Variants in KDM5A observed in about 807,000 individuals in gnomAD.
KDM5A encodes lysine demethylase 5A.
In KDM5A, 42 loss-of-function variants were observed where a neutral mutation model predicts 193.5. The ratio of observed to expected loss-of-function variants is 0.22; its 90% CI spans 0.17 to 0.28. The LOEUF is 0.28. Ranked by LOEUF, KDM5A falls within the 10% of genes least tolerant of loss-of-function variation. The pLI is 1.00. For missense variants in KDM5A, 1,692 were observed against 2,055.1 expected (o/e 0.82, Z 3.42); for synonymous variants, 796 against 718.1 (o/e 1.11, Z -1.73).
rs1219688783 is a variant in KDM5A at position 307,747 on chromosome 12, G to A, written c.3637C>T (p.Pro1213Ser). 1 of 1,614,148 alleles carries A rather than the reference G, an allele frequency of 6.2e-7. No individual in the cohort carries two copies. Residue 1213 changes from proline to serine, a missense_variant, in exon 23 of 28, where the codon CCT (proline) becomes TCT (serine). Around this residue, in one of 11 missense-constraint regions of KDM5A, gnomAD observed 965 missense variants for 1,061.0 expected, o/e 0.91. Coordinates refer to ENST00000399788, the MANE Select transcript of KDM5A (RefSeq NM_001042603.3). The surrounding 1 kb of genome is among the most constrained non-coding windows in gnomAD (Gnocchi z 4.3). ...GGCCTTCGAGACCGCATACAAAGAG[G>A]GCAAAGGAATTTTACTTCTTTAGCT... The part of the protein sequence containing the change: ...WQAKEVKFLC[P>S]LCMRSRRPRL...
At chr12:327,262 G>A (rs996044905) in intron 14 of KDM5A, among the ~76,000 whole-genome samples, 4 of 152,114 alleles carry the variant, frequency 2.6e-5, no homozygotes, top group African/African-American at 7.2e-5. Context: ...TCCCATTCAG[G>A]TTAAATCTGA....
chr12:312,292 C>T (rs916396481), intron 20 of KDM5A, among the ~76,000 whole-genome samples: 3 of 152,108 alleles, frequency 2.0e-5, no homozygotes, highest in African/African-American at 7.2e-5. Flanking sequence ...TACTTTTATA[C>T]CCTATTTTGT....
intron 5 of KDM5A, among the ~76,000 whole-genome samples, chr12:358,517 T>C (rs1039744676): frequency 6.6e-6 from 1 of 152,204 alleles, no homozygotes; most frequent in Admixed American, 6.5e-5. Context: ...GTAAATAGTA[T>C]ATGCCATATC....
At chr12:358,531 GTACTT>G (rs1944253913) in intron 5 of KDM5A, among the ~76,000 whole-genome samples, 1 of 152,170 alleles carries the variant, frequency 6.6e-6, no homozygotes, top group African/African-American at 2.4e-5. Flanking sequence ...CCATATCTAA[GTACTT>G]TAATCAATTA....
At position 284,022 on chromosome 12, in the gene KDM5A, A is replaced by G. The variant is rs1324664376; in HGVS notation, c.*1434T>C. On this transcript the variant is annotated 3_prime_UTR_variant, in exon 28 of 28. Transcript: ENST00000399788. ...AACAGACAGGGACAAGTCCCAACAC[A>G]CAAAGGACATATAATTATCTATATG... 4.3e-6 allele frequency: 1 copy of G among 233,250 alleles called. No individual in the cohort carries two copies. Among genetic ancestry groups the G allele is most frequent in the African/African-American group, 2.2e-5 (1 of 45,328 alleles). The allele number at this position is 233,250 out of a possible 1,614,324, so 14.4% of individuals were successfully genotyped here. A position where few individuals can be genotyped will look rare whatever the true frequency, so the allele number is the denominator to read the frequency against.
chr12:362,541 T>C (rs966074859), intron 5 of KDM5A, among the ~76,000 whole-genome samples: 5 of 152,194 alleles, frequency 3.3e-5, no homozygotes, highest in Non-Finnish European at 7.4e-5. Context: ...TAAAATGCAC[T>C]AGAATTCACC....
At chr12:365,320 C>T (rs1944344565) in intron 4 of KDM5A, among the ~76,000 whole-genome samples, 2 of 152,286 alleles carry the variant, frequency 1.3e-5, no homozygotes, top group Admixed American at 1.3e-4. Context: ...TCCCACAGTG[C>T]TGAGATTACA....
In KDM5A at chr12:363,024, G is replaced by A; in HGVS notation, c.611C>T (p.Ser204Phe). The change falls in exon 5 of 28, where the codon TCC becomes TTC. Residue 204 changes from serine to phenylalanine, a missense_variant. By Grantham distance (155) the Ser-to-Phe change is radical. Transcript: ENST00000399788. ...GTTCATCCTTGTGCCTGGCTCTGGG[G>A]AAGTTTGGGTATCAGTGCTGAGAAC... ...PEVLSTDTQT[S>F]PEPGTRMNIL... The A allele has an allele frequency of 6.2e-7, 1 of 1,614,154 alleles. No homozygotes were observed. The highest frequency in any genetic ancestry group is 8.5e-7 in the Non-Finnish European group (1 of 1,180,010).
intron 10 of KDM5A, among the ~76,000 whole-genome samples, chr12:348,192 T>C (rs1251520179): frequency 6.6e-6 from 1 of 151,974 alleles, no homozygotes; most frequent in Non-Finnish European, 1.5e-5. Context: ...ATCAGAGAAA[T>C]GCAAATCAAA....
chr12:326,130 G>A (rs1028789175), intron 14 of KDM5A, among the ~76,000 whole-genome samples: 2 of 152,218 alleles, frequency 1.3e-5, no homozygotes, highest in African/African-American at 2.4e-5. Context: ...AGGGTGGAGA[G>A]GAAGGAGATT....
chr12:385,813 G>T, intron 2 of KDM5A, 84 bp downstream of exon 2: 1 of 962,634 alleles, frequency 1.0e-6, no homozygotes, highest in South Asian at 1.3e-5. Context: ...CTAGGCTGTG[G>T]TACATGAGCT....
rs1474068439 is a variant in KDM5A at position 322,515 on chromosome 12, T to C, written c.2328A>G (p.Pro776=). 2 of 1,613,220 alleles carry C rather than the reference T, an allele frequency of 1.2e-6. No individual in the cohort carries two copies. Among genetic ancestry groups the C allele is most frequent in the Non-Finnish European group, 1.7e-6 (2 of 1,179,518 alleles). The change falls in exon 17 of 28, where the codon CCA becomes CCG. Residue 776 remains proline (P), a synonymous_variant. Transcript: ENST00000399788. ...TGAGTTTTCGAAAGAGATCATTCTC[T>C]GGGTATTTCCTATCCTCAGCATCTT... ...MLEDAEDRKY[P]ENDLFRKLRD...
Position 309,828 on chromosome 12 carries a change from T to C in KDM5A, c.3353A>G (p.Glu1118Gly), listed in dbSNP as rs1555128903. 2 of 1,614,160 alleles carry C rather than the reference T, an allele frequency of 1.2e-6. No homozygotes were observed. The highest frequency in any genetic ancestry group is 2.2e-5 in the South Asian group (2 of 91,084). Reference protein sequence around the residue: ...EPLSDLEEGLEETRDTAMVVA... With the variant: ...EPLSDLEEGLGETRDTAMVVA... ...CACCATGGCTGTATCTCTGGTTTCC[T>C]CCAATCCTTCCTCCAGATCACTCAG... is the stretch of plus-strand genomic sequence containing the variant. Residue 1118 changes from glutamate (E) to glycine (G), a missense_variant, in exon 22 of 28, where the codon GAG becomes GGG. Physicochemically the swap from Glu to Gly is moderately conservative, Grantham distance 98. Coordinates refer to ENST00000399788, the MANE Select transcript of KDM5A (RefSeq NM_001042603.3).
At chr12:342,779 A>G (rs897848853) in intron 10 of KDM5A, among the ~76,000 whole-genome samples, 1 of 151,906 alleles carries the variant, frequency 6.6e-6, no homozygotes, top group African/African-American at 2.4e-5. Context: ...TGATTTAAAA[A>G]AAAAAAAAAA....
At chr12:380,575 G>T (rs1944561520) in intron 3 of KDM5A, among the ~76,000 whole-genome samples, 1 of 151,826 alleles carries the variant, frequency 6.6e-6, no homozygotes, top group African/African-American at 2.4e-5. Context: ...AAATTAGCTG[G>T]GTGTGGTGGC....
In KDM5A at chr12:280,714, T is replaced by C. The variant is rs771790496; in HGVS notation, c.*4742A>G. 12 of 233,016 alleles carry C rather than the reference T, an allele frequency of 5.1e-5. No homozygotes were observed. Among genetic ancestry groups the C allele is most frequent in the Admixed American group, 2.8e-4 (5 of 17,776 alleles). 14.4% of individuals were successfully genotyped at this position (233,016 alleles called of 1,614,324 possible). A position where few individuals can be genotyped will look rare whatever the true frequency, so the allele number is the denominator to read the frequency against. ...GAAAGCATTTCCTTGTTTTCCCTAT[T>C]AATGGTTTGTTGCAAAGGGATAAAC... On this transcript the variant is annotated 3_prime_UTR_variant, in exon 28 of 28. Coordinates refer to ENST00000399788, the MANE Select transcript of KDM5A (RefSeq NM_001042603.3).
Position 292,940 on chromosome 12 carries a change from T to G in KDM5A, c.4685A>C (p.Lys1562Thr), listed in dbSNP as rs1002065655. Residue 1562 changes from lysine (K) to threonine (T), a missense_variant, in exon 27 of 28, where the codon AAG becomes ACG. Transcript: ENST00000399788. ...AKKLAKEEERKKKKEKAAAAK... is the reference protein window; with the variant it reads ...AKKLAKEEERTKKKEKAAAAK... ...TGCAGCAGCCTTCTCCTTCTTTTTCTTTCTCTCTTCTTCTTTTGCTAGTTT... is the reference window on the plus strand; with the variant it reads ...TGCAGCAGCCTTCTCCTTCTTTTTCGTTCTCTCTTCTTCTTTTGCTAGTTT... The G allele has an allele frequency of 1.9e-6, 3 of 1,613,642 alleles. No homozygotes were observed. Among genetic ancestry groups the G allele is most frequent in the Non-Finnish European group, 2.5e-6 (3 of 1,180,002 alleles).
Position 342,585 on chromosome 12 carries a change from G to C in KDM5A, c.1308+8036C>G, listed in dbSNP as rs151049896. Among the ~76,000 whole-genome samples the C allele has an allele frequency of 2.8e-3, 426 of 151,984 alleles. 13 individuals carry two copies. In the East Asian group the frequency reaches 0.065, roughly 23 times the overall value. Reference sequence around the variant, plus strand: ...AGTGATTCTCCTGCCTCAGCCTCCAGAGTAGCTGGGATTACAGGCAAGCGC... The same window carrying C: ...AGTGATTCTCCTGCCTCAGCCTCCACAGTAGCTGGGATTACAGGCAAGCGC... On this transcript the variant is annotated intron_variant, in intron 10 of 27. Coordinates refer to ENST00000399788, the MANE Select transcript of KDM5A (RefSeq NM_001042603.3).
At position 296,636 on chromosome 12, in the gene KDM5A, A is replaced by C. The variant is rs543382681; in HGVS notation, c.4234+405T>G. On this transcript the variant is annotated intron_variant, in intron 25 of 27. Coordinates refer to ENST00000399788, the MANE Select transcript of KDM5A (RefSeq NM_001042603.3). ...ACAGAAAAATTAACATCACAGAGAA[A>C]ATCACCCTCCAAGGAAAGGAAGAAC... is the stretch of plus-strand genomic sequence containing the variant. Among the ~76,000 whole-genome samples, 14 of 152,316 alleles carry C rather than the reference A, an allele frequency of 9.2e-5. No individual in the cohort carries two copies. The South Asian group carries it at 2.9e-3, about 32-fold the overall frequency.
Sources: allele counts gnomAD v4.1 joint callset (sites outside exome capture counted in the v4.1 genomes callset), GRCh38; gene constraint gnomAD v4.1.1; regional missense constraint gnomAD v4.1.1; non-coding constraint Gnocchi (gnomAD v3.1); transcripts MANE v1.5; gene names NCBI Gene and HGNC (gene_info 2026-07-23, HGNC 2026-07-21).